The following MPDZ variants were observed in gnomAD, a reference collection of about 807,000 sequenced individuals.
MPDZ encodes multiple PDZ domain crumbs cell polarity complex component, also known as multiple PDZ domain protein.
MPDZ carries 234 observed loss-of-function variants against 239.1 expected under a neutral mutation model. The ratio of observed to expected loss-of-function variants is 0.98; its 90% CI spans 0.88 to 1.09. The LOEUF (loss-of-function observed/expected upper bound fraction) is 1.09, where lower values mean the gene tolerates loss of function less well. Ranked by LOEUF, MPDZ falls within the 50% of genes least tolerant of loss-of-function variation. MPDZ has a pLI of 0.00. For missense variants in MPDZ, 3,175 were observed against 2,510.0 expected (o/e 1.26, Z -5.66); for synonymous variants, 1,048 against 881.3 (o/e 1.19, Z -3.35).
At chr9:13,277,646 C>T (rs1974539662) in intron 1 of MPDZ, among the ~76,000 whole-genome samples, 1 of 152,226 alleles carries the variant, frequency 6.6e-6, no homozygotes, top group Non-Finnish European at 1.5e-5. Context: ...CTCAATGCAA[C>T]CGCTGCCTCC....
At chr9:13,154,704 T>A (rs1026194904) in intron 24 of MPDZ, among the ~76,000 whole-genome samples, 1 of 152,094 alleles carries the variant, frequency 6.6e-6, no homozygotes, top group Non-Finnish European at 1.5e-5. Context: ...ACTGCAGTAA[T>A]GAAAGCAAGA....
At chr9:13,222,835 C>A (rs1452929210) in intron 5 of MPDZ, among the ~76,000 whole-genome samples, 1 of 151,606 alleles carries the variant, frequency 6.6e-6, no homozygotes, top group Non-Finnish European at 1.5e-5. Flanking sequence ...TAGATTAGAT[C>A]CCCAACTGGG....
chr9:13,181,575 G>C (rs1374124264), intron 19 of MPDZ, among the ~76,000 whole-genome samples: 1 of 152,082 alleles, frequency 6.6e-6, no homozygotes, highest in Non-Finnish European at 1.5e-5. Flanking sequence ...TTGTTGTTTT[G>C]TAGTTTAAGT....
rs554002590 is a variant in MPDZ at position 13,141,227 on chromosome 9, T to A, written c.3841-1078A>T. Among the ~76,000 whole-genome samples the A allele has an allele frequency of 2.6e-5, 4 of 152,306 alleles. No individual in the cohort carries two copies. The South Asian group carries it at 8.3e-4, about 32-fold the overall frequency. The stretch of plus-strand genomic sequence containing the variant: ...TACAGATGATCAAACAATGTTAGAG[T>A]TTGAAAGGTCTTTAAGTTGCTGAGT... On this transcript the variant is annotated intron_variant, in intron 27 of 46. Transcript: ENST00000319217.
At chr9:13,181,941 A>C (rs1216462766) in intron 19 of MPDZ, among the ~76,000 whole-genome samples, 1 of 152,124 alleles carries the variant, frequency 6.6e-6, no homozygotes, top group Non-Finnish European at 1.5e-5. Context: ...ACAGCCAGAC[A>C]GACAGTCTCA....
chr9:13,119,760 A>G (rs1179964203), intron 38 of MPDZ, 111 bp from the exon 39 acceptor site: 4 of 1,294,378 alleles, frequency 3.1e-6, no homozygotes, highest in Non-Finnish European at 4.4e-6. Context: ...TTATGACTTT[A>G]AAAGTTTTGT....
At chr9:13,109,916 G>A (rs1942144314) in intron 45 of MPDZ, 36 bp downstream of exon 45, 1 of 1,534,692 alleles carries the variant, frequency 6.5e-7, no homozygotes, top group Admixed American at 1.8e-5. Flanking sequence ...ATTCATAAGT[G>A]AAAAATGATA....
At chr9:13,221,018 A>C (rs1386409905) in intron 7 of MPDZ, among the ~76,000 whole-genome samples, 2 of 151,990 alleles carry the variant, frequency 1.3e-5, no homozygotes, top group African/African-American at 4.8e-5. Context: ...TTTTCCCACA[A>C]TACCCTGTGA....
intron 28 of MPDZ, among the ~76,000 whole-genome samples, chr9:13,139,071 A>T (rs1415277867): frequency 6.6e-6 from 1 of 152,220 alleles, no homozygotes; most frequent in Non-Finnish European, 1.5e-5. Flanking sequence ...CAGACTGCGA[A>T]AACTACAAAC....
At chr9:13,215,996 T>C (rs1331958136) in intron 10 of MPDZ, among the ~76,000 whole-genome samples, 1 of 147,902 alleles carries the variant, frequency 6.8e-6, no homozygotes, top group South Asian at 2.1e-4. Context: ...TGTGTTGGGA[T>C]TACAGGCATG....
chr9:13,121,831 G>T lies in MPDZ; in HGVS notation c.5139C>A (p.Ala1713=). The T allele has an allele frequency of 6.2e-7, 1 of 1,613,748 alleles. No homozygotes were observed. The highest frequency in any genetic ancestry group is 8.5e-7 in the Non-Finnish European group (1 of 1,179,846). Residue 1713 remains alanine (A), a synonymous_variant, in exon 38 of 47, where the codon GCC becomes GCA. Coordinates refer to ENST00000319217, the MANE Select transcript of MPDZ (RefSeq NM_001378778.1). ...RVRLTLYRDE[A]PYKEEEVCDT... ...CACACACTTCCTCCTCTTTGTATGG[G>T]GCCTCATCTCTGTAGAGTGTCAGGC... is the stretch of plus-strand genomic sequence containing the variant.
At chr9:13,160,870 A>ATATATATATATAT (rs1554669677) in intron 23 of MPDZ, among the ~76,000 whole-genome samples, 207 of 127,644 alleles carry the variant, frequency 1.6e-3, no homozygotes, top group Non-Finnish European at 2.5e-3. Flanking sequence ...ATATATATAT[A>ATATATATATATAT]AAACAGGTAC....
Position 13,216,802 on chromosome 9 carries a change from C to G in MPDZ, c.1262G>C (p.Arg421Thr). Reference protein sequence around the residue: ...TKSSAVEHDGRIQIGDQIIAV... With the variant: ...TKSSAVEHDGTIQIGDQIIAV... ...TATAATTTGGTCTCCAATTTGGATT[C>G]TTCCATCATGCTCAACGGCACTGCT... The change falls in exon 10 of 47, where the codon AGA (arginine) becomes ACA (threonine). Residue 421 changes from arginine to threonine, a missense_variant. By Grantham distance (71) the Arg-to-Thr change is moderately conservative (BLOSUM62 -1). Coordinates refer to ENST00000319217, the MANE Select transcript of MPDZ (RefSeq NM_001378778.1). The G allele has an allele frequency of 6.2e-7, 1 of 1,609,916 alleles. No homozygotes were observed. The highest frequency in any genetic ancestry group is 8.5e-7 in the Non-Finnish European group (1 of 1,177,804).
intron 46 of MPDZ, 23 bp downstream of exon 46, chr9:13,108,913 G>C (rs1456230231): frequency 1.9e-6 from 3 of 1,606,032 alleles, no homozygotes; most frequent in Non-Finnish European, 2.6e-6. Context: ...GGAAAAGAGG[G>C]TGGTTAAAAT....
chr9:13,141,509 C>G (rs1405188504), intron 27 of MPDZ, among the ~76,000 whole-genome samples: 1 of 152,036 alleles, frequency 6.6e-6, no homozygotes, highest in Non-Finnish European at 1.5e-5. Context: ...TATAGTTTTC[C>G]TATATATCTT....
intron 24 of MPDZ, among the ~76,000 whole-genome samples, chr9:13,156,620 T>A (rs1456690739): frequency 6.6e-6 from 1 of 152,108 alleles, no homozygotes; most frequent in Non-Finnish European, 1.5e-5. Flanking sequence ...CCACAACATG[T>A]GGGAATTATG....
chr9:13,247,899 T>G (rs1398867908), intron 2 of MPDZ, 98 bp from the exon 3 acceptor site: 7 of 1,143,266 alleles, frequency 6.1e-6, no homozygotes, highest in Non-Finnish European at 8.6e-6. Context: ...ACTATTTCTA[T>G]TGAGTGCATA....
At chr9:13,135,049 C>G (rs530080890) in intron 31 of MPDZ, 2 of 152,346 alleles carry the variant, frequency 1.3e-5, no homozygotes, top group Non-Finnish European at 2.9e-5. Context: ...TACAGGAAAT[C>G]ATCTCTAAAC....
At chr9:13,206,553 T>A (rs1299092676) in intron 10 of MPDZ, among the ~76,000 whole-genome samples, 1 of 151,288 alleles carries the variant, frequency 6.6e-6, no homozygotes, top group Non-Finnish European at 1.5e-5. Flanking sequence ...CACACGTGGC[T>A]ATTTTTTTTT....
Sources: gnomAD v4.1 joint callset for allele counts (sites outside exome capture counted in the v4.1 genomes callset) on GRCh38, gnomAD v4.1.1 for gene constraint, MANE v1.5 for transcripts, NCBI Gene and HGNC (gene_info 2026-07-23, HGNC 2026-07-21) for gene names.